USP24: variants seen among roughly 807,000 people sequenced by gnomAD.
The protein encoded by USP24 is ubiquitin carboxyl-terminal hydrolase 24.
In USP24, 97 loss-of-function variants were observed where a neutral mutation model predicts 361.6. The observed-to-expected ratio is 0.27, with a 90% CI of 0.23 to 0.32. USP24 has a LOEUF of 0.32. Ranked by LOEUF, USP24 falls within the 10% of genes least tolerant of loss-of-function variation. The pLI is 1.00. For synonymous variants in USP24, 1,098 were observed against 1,124.6 expected, an observed-to-expected ratio of 0.98 and a Z score of 0.47; for missense variants, 2,353 against 3,165.6, an observed-to-expected ratio of 0.74 and a Z score of 6.16.
rs1487572315 is a variant in USP24 at position 55,199,734 on chromosome 1, T to C, written c.324+15056A>G. Among the ~76,000 whole-genome samples the C allele has an allele frequency of 2.6e-5, 4 of 152,136 alleles. No individual in the cohort carries two copies. In the South Asian group the frequency reaches 8.3e-4, roughly 31 times the overall value. The stretch of plus-strand genomic sequence containing the variant: ...AGTGTTCACTGTATTGTTCTTTTGA[T>C]TTCTGTAGACTATAAATTGTTCAAC... On this transcript the variant is annotated intron_variant, in intron 1 of 67. Transcript: ENST00000294383.
At chr1:55,196,329 G>A (rs1380507415) in intron 1 of USP24, among the ~76,000 whole-genome samples, 1 of 152,078 alleles carries the variant, frequency 6.6e-6, no homozygotes, top group African/African-American at 2.4e-5. Context: ...TGAATCTAAT[G>A]CATTGTTTTC....
intron 45 of USP24, 149 bp from the exon 46 acceptor site, chr1:55,098,707 T>C (rs1296616506): frequency 4.6e-6 from 3 of 650,018 alleles, no homozygotes; most frequent in African/African-American, 1.8e-5. Context: ...AAACCCATTA[T>C]TGGCCCCACT....
At chr1:55,163,354 A>G (rs1329525218) in intron 7 of USP24, among the ~76,000 whole-genome samples, 1 of 152,012 alleles carries the variant, frequency 6.6e-6, no homozygotes, top group Non-Finnish European at 1.5e-5. Flanking sequence ...ACTAGGAGAA[A>G]AGATTTACAA....
Position 55,091,178 on chromosome 1 carries a change from G to A in USP24, c.6554+845C>T, listed in dbSNP as rs111587735. Among the ~76,000 whole-genome samples, 1,312 of 145,402 alleles carry A rather than the reference G, an allele frequency of 9.0e-3. 10 individuals carry two copies. The highest frequency in any genetic ancestry group is 0.011 in the Non-Finnish European group (701 of 65,928). ...AGAGGTCCCCAAGCCCTGGGCCATG[G>A]ACCAGTACCGGCCTGGGACCCGTTA... On this transcript the variant is annotated intron_variant, in intron 54 of 67. Transcript: ENST00000294383.
intron 10 of USP24, among the ~76,000 whole-genome samples, 178 bp downstream of exon 10, chr1:55,158,700 A>C (rs1451972244): frequency 6.6e-6 from 1 of 152,260 alleles, no homozygotes; most frequent in Non-Finnish European, 1.5e-5. Context: ...TTTGAAAGTA[A>C]CACAGAAGAT....
At chr1:55,167,020 C>A (rs1376751198) in intron 5 of USP24, among the ~76,000 whole-genome samples, 1 of 152,164 alleles carries the variant, frequency 6.6e-6, no homozygotes, top group East Asian at 1.9e-4. Context: ...CTTAAGCAAG[C>A]TCTATTTTCT....
At chr1:55,124,731 T>C in intron 34 of USP24, 103 bp from the exon 35 acceptor site, 1 of 1,248,654 alleles carries the variant, frequency 8.0e-7, no homozygotes, top group Admixed American at 2.3e-5. Flanking sequence ...CTCCTTTCCC[T>C]CCAAGGTCAT....
At chr1:55,079,797 T>TACTCTCACAGAGTACTCACACAGAGC in intron 59 of USP24, 138 bp from the exon 60 acceptor site, 1 of 1,155,362 alleles carries the variant, frequency 8.7e-7, no homozygotes, top group South Asian at 1.9e-5. Context: ...ACACACTGAG[T>TACTCTCACAGAGTACTCACACAGAGC]ACTCACACAC....
At chr1:55,083,974 T>TAAG in intron 56 of USP24, 86 bp from the exon 57 acceptor site, 2 of 1,092,042 alleles carry the variant, frequency 1.8e-6, no homozygotes, top group South Asian at 3.0e-5. Flanking sequence ...TAAACCACCA[T>TAAG]AAGAACAAAA....
chr1:55,069,900 A>T (rs550864509), intron 67 of USP24, among the ~76,000 whole-genome samples: 3,286 of 113,960 alleles, frequency 0.029, 124 homozygotes, highest in African/African-American at 0.082. Context: ...AAAAAAAAAA[A>T]TCAGAAAATG....
chr1:55,071,952 A>C, intron 66 of USP24, 28 bp from the exon 67 acceptor site: 1 of 1,576,726 alleles, frequency 6.3e-7, no homozygotes. Context: ...ACAAGACGAC[A>C]AAGTTAGGGC....
chr1:55,193,503 G>A (rs948619627), intron 1 of USP24, among the ~76,000 whole-genome samples: 2 of 152,100 alleles, frequency 1.3e-5, no homozygotes, highest in Non-Finnish European at 2.9e-5. Context: ...TCGATTCCAG[G>A]ATCCAAAAAG....
At chr1:55,173,411 T>C (rs1649646624) in intron 3 of USP24, among the ~76,000 whole-genome samples, 1 of 152,154 alleles carries the variant, frequency 6.6e-6, no homozygotes, top group Non-Finnish European at 1.5e-5. Flanking sequence ...CCTTAAAAAG[T>C]AGAGAAATTG....
intron 37 of USP24, 150 bp downstream of exon 37, chr1:55,121,286 A>G: frequency 1.6e-6 from 1 of 610,174 alleles, no homozygotes; most frequent in Non-Finnish European, 2.8e-6. Flanking sequence ...CCAAATGGTT[A>G]CTTTTCTTTC....
intron 1 of USP24, among the ~76,000 whole-genome samples, chr1:55,183,291 G>A (rs558734863): frequency 6.6e-6 from 1 of 152,184 alleles, no homozygotes; most frequent in Non-Finnish European, 1.5e-5. Context: ...CATGGTGTCT[G>A]TAATTCATTC....
In USP24 at chr1:55,214,936, C is replaced by T. The variant is rs767771519; in HGVS notation, c.178G>A (p.Gly60Ser). 7.3e-6 allele frequency: 10 copies of T among 1,379,124 alleles called. No individual in the cohort carries two copies. The African/African-American group carries it at 9.0e-5, about 12-fold the overall frequency. The allele number at this position is 1,379,124 out of a possible 1,614,324, so 85.4% of individuals were successfully genotyped here. Residue 60 changes from glycine to serine, a missense_variant, in exon 1 of 68, where the codon GGT (glycine) becomes AGT (serine). By Grantham distance (56) the Gly-to-Ser change is moderately conservative. Around this residue, in one of 8 missense-constraint regions of USP24, gnomAD observed 253 missense variants for 255.3 expected, o/e 0.99. Coordinates refer to ENST00000294383, the MANE Select transcript of USP24 (RefSeq NM_015306.3). ...CCGCCGGGCCCGGGGCTGGGGCCAC[C>T]GCCGCTGTCCATGGGCTCGTAGCCG... ...YGGYEPMDSG[G>S]GPSPGPGGGP... is the part of the protein sequence containing the mutation.
In USP24 at chr1:55,165,924, T is replaced by G; in HGVS notation, c.888A>C (p.Ala296=). Residue 296 remains alanine (A), a synonymous_variant, in exon 7 of 68, where the codon GCA becomes GCC. Coordinates refer to ENST00000294383, the MANE Select transcript of USP24 (RefSeq NM_015306.3). ...NKFGELGGFA[A]IQAKLHSEDI... ...CTTCTGAATGGAGCTTGGCTTGGAT[T>G]GCTGCAAATCCACCTAATTCTCCAA... 2 of 1,607,878 alleles carry G rather than the reference T, an allele frequency of 1.2e-6. No individual in the cohort carries two copies. The highest frequency in any genetic ancestry group is 1.7e-4 in the Middle Eastern group (1 of 6,036).
At chr1:55,188,643 C>G (rs114123575) in intron 1 of USP24, among the ~76,000 whole-genome samples, 1,853 of 152,084 alleles carry the variant, frequency 0.012, 32 homozygotes, top group African/African-American at 0.042. Flanking sequence ...TTCACACCTA[C>G]TAGGATGGCC....
At chr1:55,145,651 T>C (rs1183060592) in intron 20 of USP24, among the ~76,000 whole-genome samples, 1 of 152,332 alleles carries the variant, frequency 6.6e-6, no homozygotes, top group East Asian at 1.9e-4. Flanking sequence ...TCATGGTATG[T>C]AAATTATATC....
Sources: allele counts gnomAD v4.1 joint callset (sites outside exome capture counted in the v4.1 genomes callset), GRCh38; gene constraint gnomAD v4.1.1; regional missense constraint gnomAD v4.1.1; transcripts MANE v1.5; gene names NCBI Gene and HGNC (gene_info 2026-07-23, HGNC 2026-07-21).